Variants in FBXO3 observed in about 807,000 individuals in gnomAD.
FBXO3 encodes the protein F-box protein 3, also known as F-box only protein 3.
In FBXO3, 17 loss-of-function variants were observed where a neutral mutation model predicts 64.8. The ratio of observed to expected loss-of-function variants is 0.26; its 90% CI spans 0.18 to 0.39. FBXO3 has a LOEUF of 0.39. FBXO3 is among the 10% of genes least tolerant of loss of function. FBXO3 has a pLI of 1.00. For synonymous variants in FBXO3, 182 were observed against 201.6 expected (o/e 0.90, Z 0.82); for missense variants, 420 against 589.9 (o/e 0.71, Z 2.98).
intron 4 of FBXO3, 27 bp from the exon 5 acceptor site, chr11:33,756,002 T>A: frequency 6.3e-7 from 1 of 1,588,850 alleles, no homozygotes. Flanking sequence ...CTCAAACATG[T>A]AATACACGGC....
At chr11:33,761,617 TA>T (rs1370045243) in intron 3 of FBXO3, among the ~76,000 whole-genome samples, 1 of 152,212 alleles carries the variant, frequency 6.6e-6, no homozygotes, top group Non-Finnish European at 1.5e-5. Context: ...ATTAGCAGCT[TA>T]AAGCACTTAT....
At chr11:33,759,340 T>C (rs184673722) in intron 3 of FBXO3, among the ~76,000 whole-genome samples, 135 of 152,276 alleles carry the variant, frequency 8.9e-4, no homozygotes, top group Middle Eastern at 3.4e-3. Context: ...AAAGCAAATA[T>C]GAGGTTGAGT....
intron 3 of FBXO3, chr11:33,763,216 C>T (rs1400413759): frequency 6.9e-6 from 3 of 432,380 alleles, no homozygotes; most frequent in African/African-American, 6.1e-5. Context: ...ATAAACTCTT[C>T]CAGGGAACAG....
rs941392631 is a variant in FBXO3 at position 33,743,757 on chromosome 11, T to G, written c.1240-1673A>C. 6.6e-6 allele frequency: 1 copy of G among 152,286 alleles called. No homozygotes were observed. The highest frequency in any genetic ancestry group is 1.5e-5 in the Non-Finnish European group (1 of 68,084). The allele number at this position is 152,286 out of a possible 1,614,324, so 9.4% of individuals were successfully genotyped here. A position where few individuals can be genotyped will look rare whatever the true frequency, so the allele number is the denominator to read the frequency against. On this transcript the variant is annotated intron_variant, in intron 10 of 10. Coordinates refer to ENST00000265651, the MANE Select transcript of FBXO3 (RefSeq NM_012175.4). This position sits in a 1 kb window ranked among gnomAD's most constrained non-coding sequence, Gnocchi z 4.6. ...CTAATTCCCTCTGCTCCTTTCACGT[T>G]TCAGCTTAAATGTCACCAAGGCCTC... is the stretch of plus-strand genomic sequence containing the variant.
intron 6 of FBXO3, among the ~76,000 whole-genome samples, chr11:33,752,479 C>T (rs1276991321): frequency 6.6e-6 from 1 of 152,184 alleles, no homozygotes; most frequent in South Asian, 2.1e-4. Flanking sequence ...ATGTCAGATG[C>T]TAAATTTATA....
At chr11:33,767,821 A>G (rs1564994860) in intron 3 of FBXO3, among the ~76,000 whole-genome samples, 1 of 152,178 alleles carries the variant, frequency 6.6e-6, no homozygotes, top group Non-Finnish European at 1.5e-5. Context: ...ATTCGACCCT[A>G]CATACCAAGT....
chr11:33,769,854 GT>G lies in FBXO3; in HGVS notation c.195-841del, dbSNP rs35225091. On this transcript the variant is annotated intron_variant, in intron 2 of 10. Coordinates refer to ENST00000265651, the MANE Select transcript of FBXO3 (RefSeq NM_012175.4). ...TGGGGAAAAGAACAACTCAGGGTGG[GT>G]TTTTTTTTTTTTTTTTTTGCGGGGG... is the stretch of plus-strand genomic sequence containing the variant. Among the ~76,000 whole-genome samples the G allele has an allele frequency of 7.1e-3, 882 of 124,078 alleles. 6 individuals are homozygous for G. The highest frequency in any genetic ancestry group is 0.02 in the African/African-American group (650 of 32,594). 81.4% of individuals were successfully genotyped at this position (124,078 alleles called of 152,430 possible).
At chr11:33,761,731 C>T (rs773451560) in intron 3 of FBXO3, among the ~76,000 whole-genome samples, 34 of 152,306 alleles carry the variant, frequency 2.2e-4, no homozygotes, top group Non-Finnish European at 7.4e-5. Context: ...GGGCTGCTAT[C>T]TCATCTTATG....
chr11:33,767,295 T>G (rs527586354), intron 3 of FBXO3, among the ~76,000 whole-genome samples: 48 of 152,300 alleles, frequency 3.2e-4, no homozygotes, highest in East Asian at 5.8e-4. Context: ...CTTAGTTTTT[T>G]TTTTGTTTTG....
intron 3 of FBXO3, among the ~76,000 whole-genome samples, chr11:33,760,433 A>C (rs1855214596): frequency 6.6e-6 from 1 of 152,084 alleles, no homozygotes; most frequent in Admixed American, 6.5e-5. Context: ...GCTTGAGGCC[A>C]GGAGTTCGAG....
rs376666570 is a variant in FBXO3 at position 33,770,660 on chromosome 11, G to C, written c.194+81C>G. On this transcript the variant is annotated intron_variant, in intron 2 of 10. Coordinates refer to ENST00000265651, the MANE Select transcript of FBXO3 (RefSeq NM_012175.4). ...AAAGGAGATAAAGAGACAAGGGTTAGAGAGGAGAATCAGGACAAACTAGTG... is the reference window on the plus strand; with the variant it reads ...AAAGGAGATAAAGAGACAAGGGTTACAGAGGAGAATCAGGACAAACTAGTG... 525 of 1,018,006 alleles carry C rather than the reference G, an allele frequency of 5.2e-4. 1 individual carries two copies. The highest frequency in any genetic ancestry group is 5.1e-3 in the African/African-American group (327 of 63,626). The allele number at this position is 1,018,006 out of a possible 1,614,324, so 63.1% of individuals were successfully genotyped here. A position where few individuals can be genotyped will look rare whatever the true frequency, so the allele number is the denominator to read the frequency against.
At position 33,746,967 on chromosome 11, in the gene FBXO3, T is replaced by G. The variant is rs1854827840; in HGVS notation, c.1239+163A>C. 5.4e-6 allele frequency: 8 copies of G among 1,469,464 alleles called. No homozygotes were observed. In the East Asian group the frequency reaches 2.0e-4, roughly 37 times the overall value. The allele number at this position is 1,469,464 out of a possible 1,614,324, so 91.0% of individuals were successfully genotyped here. A position where few individuals can be genotyped will look rare whatever the true frequency, so the allele number is the denominator to read the frequency against. On this transcript the variant is annotated intron_variant, in intron 10 of 10. Transcript: ENST00000265651. ...TTAGAGACTATGGAGCCTCATTTAC[T>G]TGTCCATTTCTCTCAACAAATTCAC...
chr11:33,748,816 T>G lies in FBXO3; in HGVS notation c.1009A>C (p.Lys337Gln). ...CCTTGAACTTCTTCCACGTCACCCT[T>G]AGCATTTGTTATTCTCCAATAGCGA... is the stretch of plus-strand genomic sequence containing the variant. ...DSRYWRITNA[K>Q]GDVEEVQGPG... is the part of the protein sequence containing the mutation. The change falls in exon 9 of 11, where the codon AAG becomes CAG. Residue 337 changes from lysine (K) to glutamine (Q), a missense_variant. Physicochemically the swap from Lys to Gln is moderately conservative, Grantham distance 53. Coordinates refer to ENST00000265651, the MANE Select transcript of FBXO3 (RefSeq NM_012175.4). The G allele has an allele frequency of 3.1e-6, 5 of 1,613,836 alleles. No individual in the cohort carries two copies. The highest frequency in any genetic ancestry group is 4.2e-6 in the Non-Finnish European group (5 of 1,179,826).
chr11:33,768,945 T>A lies in FBXO3; in HGVS notation c.264A>T (p.Arg88Ser), dbSNP rs1236013322. Residue 88 changes from arginine (R) to serine (S), a missense_variant, in exon 3 of 11, where the codon AGA becomes AGT. Arg to Ser is a moderately radical substitution (Grantham distance 110). Transcript: ENST00000265651. ...LFIDTYSDVG[R>S]YIDHYAAIKK... Reference sequence around the variant, plus strand: ...TAATAGCAGCATAATGGTCAATGTATCTTCCTACATCAGAGTAAGTATCTA... The same window carrying A: ...TAATAGCAGCATAATGGTCAATGTAACTTCCTACATCAGAGTAAGTATCTA... 6.2e-7 allele frequency: 1 copy of A among 1,614,014 alleles called. No individual in the cohort carries two copies. Among genetic ancestry groups the A allele is most frequent in the Non-Finnish European group, 8.5e-7 (1 of 1,179,882 alleles).
At position 33,768,709 on chromosome 11, in the gene FBXO3, C is replaced by T. The variant is rs78742766; in HGVS notation, c.358+142G>A. The T allele has an allele frequency of 7.4e-3, 7,100 of 955,124 alleles. 210 individuals carry two copies. In the African/African-American group the frequency reaches 0.082, roughly 11 times the overall value. The allele number at this position is 955,124 out of a possible 1,614,324, so 59.2% of individuals were successfully genotyped here. A position where few individuals can be genotyped will look rare whatever the true frequency, so the allele number is the denominator to read the frequency against. Reference sequence around the variant, plus strand: ...AGCACTAGAGTGAAGGTCCTACTTCCATGGCCAAATATGAACAGTAAATCA... The same window carrying T: ...AGCACTAGAGTGAAGGTCCTACTTCTATGGCCAAATATGAACAGTAAATCA... On this transcript the variant is annotated intron_variant, in intron 3 of 10. Transcript: ENST00000265651.
chr11:33,745,813 T>C (rs969896867), intron 10 of FBXO3: 2 of 151,964 alleles, frequency 1.3e-5, no homozygotes, highest in East Asian at 3.9e-4. Context: ...AATAAGCAAA[T>C]AGAGAAAATT....
intron 4 of FBXO3, chr11:33,756,974 C>T (rs1274809058): frequency 1.9e-6 from 1 of 518,168 alleles, no homozygotes; most frequent in Non-Finnish European, 3.9e-6. Flanking sequence ...TTCAGGAGTC[C>T]TCCTGCGTTG....
In FBXO3 at chr11:33,741,188, C is replaced by T. The variant is rs11547294; in HGVS notation, c.*720G>A. Reference sequence around the variant, plus strand: ...AACAATCTTTTGTTAATAAACAGCACGTTACATACTTTTACATACTACATT... The same window carrying T: ...AACAATCTTTTGTTAATAAACAGCATGTTACATACTTTTACATACTACATT... On this transcript the variant is annotated 3_prime_UTR_variant, in exon 11 of 11. Coordinates refer to ENST00000265651, the MANE Select transcript of FBXO3 (RefSeq NM_012175.4). 4.9e-3 allele frequency: 755 copies of T among 152,714 alleles called. 5 individuals are homozygous for T. The highest frequency in any genetic ancestry group is 7.6e-3 in the Non-Finnish European group (519 of 68,028). 9.5% of individuals were successfully genotyped at this position (152,714 alleles called of 1,614,324 possible). A position where few individuals can be genotyped will look rare whatever the true frequency, so the allele number is the denominator to read the frequency against.
Position 33,750,532 on chromosome 11 carries a change from T to C in FBXO3, c.932+7A>G. ...AACTGAAAGGTGACCCCATTTAAAA[T>C]TCTCACCTGATTCGGTATGTGAAGA... is the stretch of plus-strand genomic sequence containing the variant. On this transcript the variant is annotated splice_region_variant and intron_variant, in intron 8 of 10. Coordinates refer to ENST00000265651, the MANE Select transcript of FBXO3 (RefSeq NM_012175.4). 6.2e-7 allele frequency: 1 copy of C among 1,613,562 alleles called. No individual in the cohort carries two copies. Among genetic ancestry groups the C allele is most frequent in the South Asian group, 1.1e-5 (1 of 91,006 alleles).
Sources: allele counts gnomAD v4.1 joint callset (sites outside exome capture counted in the v4.1 genomes callset), GRCh38; gene constraint gnomAD v4.1.1; non-coding constraint Gnocchi (gnomAD v3.1); transcripts MANE v1.5; gene names NCBI Gene and HGNC (gene_info 2026-07-23, HGNC 2026-07-21).